SMIM24: variants seen among roughly 807,000 people sequenced by gnomAD.
The protein encoded by SMIM24 is small integral membrane protein 24.
SMIM24 carries 6 observed loss-of-function variants against 10.8 expected under a neutral mutation model. That is an observed-to-expected ratio of 0.55 (90% CI 0.30 to 1.09). The LOEUF (loss-of-function observed/expected upper bound fraction) is 1.09, where lower values mean the gene tolerates loss of function less well. Among genes scored for constraint, SMIM24 ranks in the 50% least tolerant of loss-of-function variants. SMIM24 has a pLI of 0.06. For missense variants in SMIM24, 151 were observed against 153.4 expected, an observed-to-expected ratio of 0.98 and a Z score of 0.08; for synonymous variants, 71 against 62.4, an observed-to-expected ratio of 1.14 and a Z score of -0.65.
At chr19:3,476,183 G>A (rs552855659) in intron 3 of SMIM24, among the ~76,000 whole-genome samples, 26 of 152,078 alleles carry the variant, frequency 1.7e-4, no homozygotes, top group African/African-American at 5.8e-4. Context: ...GTAGATGAAT[G>A]GATGAATTGG....
chr19:3,480,378 C>G lies in SMIM24; in HGVS notation c.67+19G>C, dbSNP rs1049164516. The G allele has an allele frequency of 2.0e-6, 3 of 1,516,548 alleles. No individual in the cohort carries two copies. The highest frequency in any genetic ancestry group is 2.2e-5 in the Admixed American group (1 of 44,710). The allele number at this position is 1,516,548 out of a possible 1,614,324, so 93.9% of individuals were successfully genotyped here. On this transcript the variant is annotated intron_variant, in intron 1 of 3. Transcript: ENST00000215531. ...ACTCCCCTATCCCGCGACGCCCCCT[C>G]CCGCCCCCCTGCACCTACCCTGCTG...
intron 3 of SMIM24, among the ~76,000 whole-genome samples, 173 bp downstream of exon 3, chr19:3,478,246 C>A (rs751070182): frequency 6.6e-6 from 1 of 152,118 alleles, no homozygotes; most frequent in Non-Finnish European, 1.5e-5. Flanking sequence ...GCTGGAAACC[C>A]CTGACTAGGG....
rs560123574 is a variant in SMIM24, at chr19:3,480,381, GC to G, written c.67+15del. The G allele has an allele frequency of 2.8e-6, 3 of 1,059,408 alleles. No homozygotes were observed. The highest frequency in any genetic ancestry group is 2.9e-5 in the Admixed American group (1 of 34,254). The allele number at this position is 1,059,408 out of a possible 1,614,324, so 65.6% of individuals were successfully genotyped here. On this transcript the variant is annotated intron_variant, in intron 1 of 3. Coordinates refer to ENST00000215531, the MANE Select transcript of SMIM24 (RefSeq NM_001136503.2). Reference sequence around the variant, plus strand: ...CCCCTATCCCGCGACGCCCCCTCCCGCCCCCCTGCACCTACCCTGCTGGGCC... The same window carrying G: ...CCCCTATCCCGCGACGCCCCCTCCCGCCCCCTGCACCTACCCTGCTGGGCC...
chr19:3,475,602 G>A (rs947382340), intron 3 of SMIM24, among the ~76,000 whole-genome samples: 2 of 143,152 alleles, frequency 1.4e-5, no homozygotes, highest in African/African-American at 5.1e-5. Context: ...TGGGTGGGTG[G>A]ATGGGTGAGT....
intron 1 of SMIM24, among the ~76,000 whole-genome samples, chr19:3,479,602 A>C (rs1300358457): frequency 7.4e-6 from 1 of 135,534 alleles, no homozygotes; most frequent in Non-Finnish European, 1.6e-5. Flanking sequence ...AGGAGCTCAG[A>C]GGGGAGGGGC....
intron 3 of SMIM24, among the ~76,000 whole-genome samples, chr19:3,477,378 G>T (rs1273457888): frequency 6.9e-6 from 1 of 144,544 alleles, no homozygotes; most frequent in Non-Finnish European, 1.5e-5. Context: ...GTGATGAATG[G>T]ATGGGGGGTG....
intron 1 of SMIM24, among the ~76,000 whole-genome samples, chr19:3,479,702 G>A (rs1398875608): frequency 1.5e-4 from 21 of 136,700 alleles, no homozygotes; most frequent in South Asian, 8.3e-4. Context: ...AGATGGGGAG[G>A]GGCTTGTGAA....
chr19:3,479,213 G>A (rs1414694603), intron 1 of SMIM24: 3 of 349,382 alleles, frequency 8.6e-6, no homozygotes, highest in Middle Eastern at 7.6e-4. Flanking sequence ...CAAATCAGGA[G>A]GGCTCAGAAG....
intron 1 of SMIM24, 61 bp downstream of exon 1, chr19:3,480,336 T>C (rs1191190316): frequency 3.7e-5 from 51 of 1,376,122 alleles, no homozygotes; most frequent in Admixed American, 5.1e-5. Flanking sequence ...AATTGGGAGA[T>C]GGTGATCACC....
intron 2 of SMIM24, 128 bp from the exon 3 acceptor site, chr19:3,478,606 G>C (rs1277036367): frequency 4.1e-6 from 4 of 976,694 alleles, no homozygotes; most frequent in Non-Finnish European, 6.0e-6. Context: ...ACCCCAGGAC[G>C]CAAGGAAGGG....
intron 3 of SMIM24, among the ~76,000 whole-genome samples, chr19:3,476,913 G>A (rs1032350342): frequency 6.7e-6 from 1 of 150,102 alleles, no homozygotes; most frequent in Non-Finnish European, 1.5e-5. Flanking sequence ...GATGGATGAT[G>A]GATTGATGGG....
intron 1 of SMIM24, among the ~76,000 whole-genome samples, chr19:3,480,005 G>A (rs1309914994): frequency 6.6e-6 from 1 of 150,870 alleles, no homozygotes; most frequent in Middle Eastern, 3.4e-3. Context: ...GGCTTACAGA[G>A]GAGGAGGGGC....
chr19:3,475,109 G>A, intron 3 of SMIM24, 113 bp from the exon 4 acceptor site: 1 of 1,240,220 alleles, frequency 8.1e-7, no homozygotes, highest in Non-Finnish European at 1.1e-6. Context: ...GTATCTCAGT[G>A]AATCTTCAAA....
At chr19:3,475,212 T>C (rs1277647880) in intron 3 of SMIM24, among the ~76,000 whole-genome samples, 1 of 152,144 alleles carries the variant, frequency 6.6e-6, no homozygotes, top group African/African-American at 2.4e-5. Flanking sequence ...GGTGGATGGA[T>C]GGATGGACAT....
chr19:3,479,238 A>C, intron 1 of SMIM24: 5 of 237,674 alleles, frequency 2.1e-5, no homozygotes, highest in East Asian at 9.3e-5. Flanking sequence ...GGGGCTTATA[A>C]TGCAGGCAGA....
In SMIM24 at chr19:3,475,077, T is replaced by C. The variant is rs1444314093; in HGVS notation, c.240-81A>G. On this transcript the variant is annotated intron_variant, in intron 3 of 3. Coordinates refer to ENST00000215531, the MANE Select transcript of SMIM24 (RefSeq NM_001136503.2). The stretch of plus-strand genomic sequence containing the variant: ...ATGGCCACTCACTTGAGCCAGCCCA[T>C]GTGATGAGTATTTTACAAGCGGTAT... 5.6e-6 allele frequency: 8 copies of C among 1,427,454 alleles called. No individual in the cohort carries two copies. The East Asian group carries it at 1.5e-4, about 27-fold the overall frequency. The allele number at this position is 1,427,454 out of a possible 1,614,324, so 88.4% of individuals were successfully genotyped here.
chr19:3,477,658 G>A (rs1209292157), intron 3 of SMIM24, among the ~76,000 whole-genome samples: 1 of 145,460 alleles, frequency 6.9e-6, no homozygotes, highest in African/African-American at 2.6e-5. Context: ...GGATGGGTGA[G>A]TGGGTGGATG....
chr19:3,479,114 G>C, intron 1 of SMIM24, 185 bp from the exon 2 acceptor site: 1 of 524,694 alleles, frequency 1.9e-6, no homozygotes, highest in Non-Finnish European at 3.4e-6. Context: ...GAGAGGGGGA[G>C]GGTACCTTAC....
intron 3 of SMIM24, among the ~76,000 whole-genome samples, chr19:3,475,208 T>A (rs930122544): frequency 6.6e-6 from 1 of 152,098 alleles, no homozygotes; most frequent in African/African-American, 2.4e-5. Context: ...GATGGGTGGA[T>A]GGATGGATGG....
Sources: allele counts gnomAD v4.1 joint callset (sites outside exome capture counted in the v4.1 genomes callset), GRCh38; gene constraint gnomAD v4.1.1; transcripts MANE v1.5; gene names NCBI Gene and HGNC (gene_info 2026-07-23, HGNC 2026-07-21).